Variants in MAP4K5 observed in about 807,000 individuals in gnomAD.
MAP4K5 encodes MAPK/ERK kinase kinase kinase 5.
MAP4K5 carries 82 observed loss-of-function variants against 135.6 expected under a neutral mutation model. The observed-to-expected ratio is 0.60, with a 90% CI of 0.51 to 0.73. The LOEUF (loss-of-function observed/expected upper bound fraction) is 0.73, where lower values mean the gene tolerates loss of function less well. Ranked by LOEUF, MAP4K5 falls within the 30% of genes least tolerant of loss-of-function variation. The probability of loss-of-function intolerance (pLI) is 0.00; values close to 1 mark genes in which losing one functional copy is unlikely to be tolerated. For missense variants in MAP4K5, 907 were observed against 1,010.9 expected (o/e 0.90, Z 1.39); for synonymous variants, 347 against 335.0 (o/e 1.04, Z -0.39).
Position 50,442,634 on chromosome 14 carries a change from C to T in MAP4K5, c.1564+98G>A, listed in dbSNP as rs948237560. Reference sequence around the variant, plus strand: ...TCCTATACCATTAGGTCTCTAAAGTCGTATTTTTAAAATAAACAACTTCAA... The same window carrying T: ...TCCTATACCATTAGGTCTCTAAAGTTGTATTTTTAAAATAAACAACTTCAA... On this transcript the variant is annotated intron_variant, in intron 21 of 32. Coordinates refer to ENST00000682126, the MANE Select transcript of MAP4K5 (RefSeq NM_006575.6). 2.7e-5 allele frequency: 23 copies of T among 846,126 alleles called. No homozygotes were observed. The East Asian group carries it at 4.6e-4, about 17-fold the overall frequency. The allele number at this position is 846,126 out of a possible 1,614,324, so 52.4% of individuals were successfully genotyped here.
chr14:50,474,201 T>C lies in MAP4K5; in HGVS notation c.542+876A>G, dbSNP rs113557602. On this transcript the variant is annotated intron_variant, in intron 9 of 32. Coordinates refer to ENST00000682126, the MANE Select transcript of MAP4K5 (RefSeq NM_006575.6). ...TGAGTTTTAGACCAGCCCAGGAGTT[T>C]TAGCTGAAACCCTGTCTCTACAAAA... 3.3e-5 allele frequency among the ~76,000 whole-genome samples: 5 copies of C among 152,176 alleles called. 1 individual carries two copies. The highest frequency in any genetic ancestry group is 2.1e-4 in the South Asian group (1 of 4,814).
intron 23 of MAP4K5, among the ~76,000 whole-genome samples, chr14:50,439,078 A>AG (rs1489740533): frequency 1.3e-5 from 2 of 152,014 alleles, no homozygotes; most frequent in African/African-American, 4.8e-5. Flanking sequence ...ATTTTGGGGA[A>AG]GCATAATTAA....
chr14:50,473,455 C>T (rs938504934), intron 9 of MAP4K5, among the ~76,000 whole-genome samples: 1 of 152,114 alleles, frequency 6.6e-6, no homozygotes, highest in East Asian at 1.9e-4. Context: ...ATTTTACTAA[C>T]TGCTTCTAAT....
Position 50,437,434 on chromosome 14 carries a change from A to G in MAP4K5, c.1882+42T>C, listed in dbSNP as rs370754443. On this transcript the variant is annotated intron_variant, in intron 26 of 32. Transcript: ENST00000682126. ...CTCTTCAGATAATTATAAAGATGTT[A>G]AAAGTTCTAACCATTCAGTTTGAGA... is the stretch of plus-strand genomic sequence containing the variant. 2.1e-6 allele frequency: 3 copies of G among 1,438,260 alleles called. No homozygotes were observed. In the African/African-American group the frequency reaches 4.2e-5, roughly 20 times the overall value. 89.1% of individuals were successfully genotyped at this position (1,438,260 alleles called of 1,614,324 possible).
chr14:50,458,039 A>G (rs2036629081), intron 13 of MAP4K5, among the ~76,000 whole-genome samples: 1 of 152,124 alleles, frequency 6.6e-6, no homozygotes, highest in African/African-American at 2.4e-5. Context: ...AATTCATCTA[A>G]TCTGAGCTCC....
intron 3 of MAP4K5, among the ~76,000 whole-genome samples, chr14:50,488,516 C>T (rs2037417068): frequency 6.6e-6 from 1 of 152,214 alleles, no homozygotes; most frequent in Admixed American, 6.5e-5. Context: ...ACAAGAGTAG[C>T]TTCACATAAT....
intron 6 of MAP4K5, among the ~76,000 whole-genome samples, chr14:50,478,996 G>GT (rs71118888): frequency 0.93 from 140,824 of 151,292 alleles, 66,286 homozygotes; most frequent in Non-Finnish European, 1. Flanking sequence ...TCTTAGTGTA[G>GT]TTTTTTTCGT....
At chr14:50,442,693 T>C (rs1300673329) in intron 21 of MAP4K5, 39 bp downstream of exon 21, 8 of 1,247,870 alleles carry the variant, frequency 6.4e-6, no homozygotes, top group Non-Finnish European at 9.2e-6. Context: ...CCATAATAAA[T>C]ATTTTATTGG....
In MAP4K5 at chr14:50,466,592, T is replaced by C. The variant is rs2036839804; in HGVS notation, c.728A>G (p.Lys243Arg). The C allele has an allele frequency of 1.4e-6, 2 of 1,437,638 alleles. No homozygotes were observed. The highest frequency in any genetic ancestry group is 1.9e-6 in the Non-Finnish European group (2 of 1,044,408). The allele number at this position is 1,437,638 out of a possible 1,614,324, so 89.1% of individuals were successfully genotyped here. A position where few individuals can be genotyped will look rare whatever the true frequency, so the allele number is the denominator to read the frequency against. ...SNFQPPKLKD[K>R]TKWSSTFHNF... ...ATATTCTTTAACTCACCATTTTGTT[T>C]TGTCCTTTAGTTTTGGAGGCTGAAA... The change falls in exon 11 of 33, where the codon AAA (lysine) becomes AGA (arginine). Residue 243 changes from lysine to arginine, a missense_variant. Lys to Arg is a conservative substitution (Grantham distance 26). Coordinates refer to ENST00000682126, the MANE Select transcript of MAP4K5 (RefSeq NM_006575.6).
intron 13 of MAP4K5, among the ~76,000 whole-genome samples, chr14:50,457,367 G>C (rs1165428060): frequency 6.6e-6 from 1 of 152,110 alleles, no homozygotes; most frequent in African/African-American, 2.4e-5. Flanking sequence ...GATACAGGGA[G>C]ATTGAGTAAG....
chr14:50,555,982 C>T (rs892971018), intron 1 of MAP4K5, among the ~76,000 whole-genome samples: 1 of 151,858 alleles, frequency 6.6e-6, no homozygotes, highest in African/African-American at 2.4e-5. Flanking sequence ...GGTGAAAGAA[C>T]CAATGGAAGA....
At chr14:50,445,217 G>T (rs752889246) in intron 17 of MAP4K5, 23 bp from the exon 18 acceptor site, 2 of 1,608,548 alleles carry the variant, frequency 1.2e-6, no homozygotes, top group Admixed American at 3.4e-5. Flanking sequence ...AGACAAAAAA[G>T]TACTTTAACA....
At chr14:50,527,510 A>T (rs1306348163) in intron 2 of MAP4K5, among the ~76,000 whole-genome samples, 1 of 152,180 alleles carries the variant, frequency 6.6e-6, no homozygotes, top group African/African-American at 2.4e-5. Flanking sequence ...CATATTCCCA[A>T]TCATAAATTA....
intron 30 of MAP4K5, 60 bp downstream of exon 30, chr14:50,428,602 G>T: frequency 1.0e-6 from 1 of 952,520 alleles, no homozygotes; most frequent in Non-Finnish European, 1.6e-6. Context: ...CCTAAGTACA[G>T]AATGAATTTT....
At chr14:50,497,428 G>A (rs1471762676) in intron 3 of MAP4K5, among the ~76,000 whole-genome samples, 1 of 152,128 alleles carries the variant, frequency 6.6e-6, no homozygotes, top group African/African-American at 2.4e-5. Context: ...TTACTTTACA[G>A]AATATTTTTA....
intron 3 of MAP4K5, among the ~76,000 whole-genome samples, chr14:50,497,994 T>C (rs557656617): frequency 2.5e-4 from 38 of 152,160 alleles, no homozygotes; most frequent in African/African-American, 8.4e-4. Flanking sequence ...AGAGGGGTAA[T>C]GGAAGGAGGA....
intron 1 of MAP4K5, chr14:50,559,287 G>T (rs1418434880): frequency 6.6e-6 from 1 of 152,222 alleles, no homozygotes. Flanking sequence ...CAACCAAATG[G>T]CAGAAGGAAA....
intron 2 of MAP4K5, among the ~76,000 whole-genome samples, chr14:50,520,631 T>C (rs1398440493): frequency 6.6e-6 from 1 of 152,188 alleles, no homozygotes; most frequent in African/African-American, 2.4e-5. Context: ...TCATTCACAT[T>C]TTATAATTTA....
chr14:50,455,900 T>A (rs147132539), intron 14 of MAP4K5, among the ~76,000 whole-genome samples: 2 of 152,222 alleles, frequency 1.3e-5, no homozygotes, highest in East Asian at 3.9e-4. Flanking sequence ...GTGACAAATA[T>A]TGATAGAAAA....
Sources: allele counts gnomAD v4.1 joint callset (sites outside exome capture counted in the v4.1 genomes callset), GRCh38; gene constraint gnomAD v4.1.1; transcripts MANE v1.5; gene names NCBI Gene and HGNC (gene_info 2026-07-23, HGNC 2026-07-21).